The following RAB11FIP3 variants were observed in gnomAD, a reference collection of about 807,000 sequenced individuals.
RAB11FIP3 encodes RAB11 family interacting protein 3, also known as rab11 family-interacting protein 3.
A neutral mutation model predicts 77.8 loss-of-function variants in RAB11FIP3; 17 were observed. The observed-to-expected ratio is 0.22, with a 90% confidence interval of 0.15 to 0.33. The LOEUF is 0.33. Among genes scored for constraint, RAB11FIP3 ranks in the 10% least tolerant of loss-of-function variants. The pLI is 1.00. For missense variants in RAB11FIP3, 1,005 were observed against 1,011.2 expected (o/e 0.99, Z 0.08); for synonymous variants, 437 against 448.2 (o/e 0.98, Z 0.31).
chr16:489,216 C>G (rs1323056490), intron 5 of RAB11FIP3: 1 of 617,618 alleles, frequency 1.6e-6, no homozygotes, highest in Non-Finnish European at 2.7e-6. Flanking sequence ...GATCACTCTA[C>G]ATTTCTGAGG....
At position 505,473 on chromosome 16, in the gene RAB11FIP3, G is replaced by A. The variant is rs28683615; in HGVS notation, c.1396-51G>A. On this transcript the variant is annotated intron_variant, in intron 7 of 13. Transcript: ENST00000262305. This position sits in a 1 kb window ranked among gnomAD's most constrained non-coding sequence, Gnocchi z 4.0. ...CCCAGGTTGTTCCCTTGGGGGTGCA[G>A]GCCCTTCTGCTTCTGGCTGCCTGAC... The A allele has an allele frequency of 4.1e-6, 6 of 1,481,434 alleles. No individual in the cohort carries two copies. The highest frequency in any genetic ancestry group is 5.5e-6 in the Non-Finnish European group (6 of 1,086,006). The allele number at this position is 1,481,434 out of a possible 1,614,324, so 91.8% of individuals were successfully genotyped here.
At chr16:447,820 TGTC>T (rs2055341854) in intron 1 of RAB11FIP3, among the ~76,000 whole-genome samples, 1 of 152,214 alleles carries the variant, frequency 6.6e-6, no homozygotes, top group African/African-American at 2.4e-5. Flanking sequence ...CTCAGACTGT[TGTC>T]TGGTTAATGT....
chr16:488,176 C>G (rs1021328275), intron 4 of RAB11FIP3, among the ~76,000 whole-genome samples: 3 of 152,062 alleles, frequency 2.0e-5, no homozygotes, highest in African/African-American at 4.8e-5. Flanking sequence ...GTCAGGAGAT[C>G]GAGACCATCC....
Position 455,060 on chromosome 16 carries a change from AC to A in RAB11FIP3, c.715-6343del, listed in dbSNP as rs777624739. 4.0e-4 allele frequency among the ~76,000 whole-genome samples: 60 copies of A among 148,186 alleles called. 7 individuals carry two copies. Among genetic ancestry groups the A allele is most frequent in the Non-Finnish European group, 6.1e-4 (41 of 66,810 alleles). On this transcript the variant is annotated intron_variant, in intron 1 of 13. Transcript: ENST00000262305. The stretch of plus-strand genomic sequence containing the variant: ...GCGAAACTCCGTCTCAAAAAAAAAA[AC>A]AAAAAAACTAGGCTTTCTTTCTTTT...
intron 1 of RAB11FIP3, among the ~76,000 whole-genome samples, chr16:434,924 G>A (rs950454431): frequency 6.6e-6 from 1 of 152,088 alleles, no homozygotes; most frequent in African/African-American, 2.4e-5. Flanking sequence ...ACAAGAATTA[G>A]ACCAGGCGCG....
intron 9 of RAB11FIP3, among the ~76,000 whole-genome samples, chr16:518,650 C>T (rs868294340): frequency 4.6e-5 from 7 of 152,250 alleles, no homozygotes; most frequent in East Asian, 1.9e-4. Flanking sequence ...GCTTGAACCC[C>T]GGGAGATGGA....
chr16:519,038 A>G lies in RAB11FIP3; in HGVS notation c.1722+14A>G. The G allele has an allele frequency of 1.2e-6, 2 of 1,612,528 alleles. No individual in the cohort carries two copies. The highest frequency in any genetic ancestry group is 1.7e-6 in the Non-Finnish European group (2 of 1,179,542). On this transcript the variant is annotated intron_variant, in intron 10 of 13. Coordinates refer to ENST00000262305, the MANE Select transcript of RAB11FIP3 (RefSeq NM_014700.4). ...CGTCTGGAGGAGGTGAGCTGCCAACAGCCTGGAGCTGTGGCCAGTGGGGCC... is the reference window on the plus strand; with the variant it reads ...CGTCTGGAGGAGGTGAGCTGCCAACGGCCTGGAGCTGTGGCCAGTGGGGCC...
rs781577572 is a variant in RAB11FIP3, at chr16:496,863, G to C, written c.1301+4G>C. On this transcript the variant is annotated splice_donor_region_variant and intron_variant, in intron 6 of 13. Coordinates refer to ENST00000262305, the MANE Select transcript of RAB11FIP3 (RefSeq NM_014700.4). Reference sequence around the variant, plus strand: ...TCTCCAGCAAGAAGGTGGCAAGGTAGGTGGGTCTCTGGTTCCTGCTGAAAA... The same window carrying C: ...TCTCCAGCAAGAAGGTGGCAAGGTACGTGGGTCTCTGGTTCCTGCTGAAAA... The C allele has an allele frequency of 1.9e-6, 3 of 1,581,442 alleles. No individual in the cohort carries two copies. The highest frequency in any genetic ancestry group is 2.2e-5 in the South Asian group (2 of 90,340).
intron 2 of RAB11FIP3, among the ~76,000 whole-genome samples, chr16:469,751 C>A (rs2055776794): frequency 6.6e-6 from 1 of 152,124 alleles, no homozygotes; most frequent in Non-Finnish European, 1.5e-5. Context: ...TCTTGAACTC[C>A]TGGACTTAAG....
chr16:434,329 G>GT (rs2055091781), intron 1 of RAB11FIP3, among the ~76,000 whole-genome samples: 1 of 152,196 alleles, frequency 6.6e-6, no homozygotes. Flanking sequence ...CGCCATGTTA[G>GT]CCCAGGCTGG....
At chr16:473,661 A>G (rs911423363) in intron 3 of RAB11FIP3, among the ~76,000 whole-genome samples, 1 of 151,940 alleles carries the variant, frequency 6.6e-6, no homozygotes, top group Admixed American at 6.6e-5. Flanking sequence ...GCTGCTCTCA[A>G]ACTCCTGAGT....
At chr16:475,975 C>T (rs2055899635) in intron 3 of RAB11FIP3, among the ~76,000 whole-genome samples, 1 of 152,188 alleles carries the variant, frequency 6.6e-6, no homozygotes, top group Non-Finnish European at 1.5e-5. Context: ...CATGCCTCAG[C>T]CTCCTGAGTA....
intron 1 of RAB11FIP3, among the ~76,000 whole-genome samples, chr16:459,765 C>A (rs2055572124): frequency 6.6e-6 from 1 of 151,358 alleles, no homozygotes; most frequent in African/African-American, 2.4e-5. Flanking sequence ...ATTTGCATTT[C>A]TTTAAGGACT....
At chr16:434,458 A>T (rs1156359224) in intron 1 of RAB11FIP3, among the ~76,000 whole-genome samples, 1 of 145,790 alleles carries the variant, frequency 6.9e-6, no homozygotes. Flanking sequence ...ATAGAGTCTC[A>T]CTCTGTTGCC....
At chr16:476,390 C>T (rs1230781867) in intron 3 of RAB11FIP3, among the ~76,000 whole-genome samples, 1 of 152,216 alleles carries the variant, frequency 6.6e-6, no homozygotes, top group African/African-American at 2.4e-5. Context: ...GGGGCACCAT[C>T]CTCAGCTACA....
chr16:478,096 G>A (rs1407245618), intron 3 of RAB11FIP3, among the ~76,000 whole-genome samples: 2 of 152,176 alleles, frequency 1.3e-5, no homozygotes, highest in Admixed American at 6.5e-5. Context: ...CTGGCAGCTC[G>A]GCCTGGCCCT....
At chr16:487,679 T>A (rs1444023397) in intron 4 of RAB11FIP3, among the ~76,000 whole-genome samples, 7 of 151,898 alleles carry the variant, frequency 4.6e-5, no homozygotes, top group African/African-American at 1.7e-4. Context: ...TCCCGAGGAC[T>A]CCTGCGGGAG....
Position 492,118 on chromosome 16 carries a change from C to T in RAB11FIP3, c.1265+3118C>T, listed in dbSNP as rs553013809. On this transcript the variant is annotated intron_variant, in intron 5 of 13. Transcript: ENST00000262305. ...GCCCCAGGGGGCTTCTGCCGAGGCA[C>T]ATCCTTGCTGGCGGGCGCTCACTGC... Among the ~76,000 whole-genome samples the T allele has an allele frequency of 5.3e-5, 8 of 152,266 alleles. 1 individual carries two copies. In the South Asian group the frequency reaches 1.2e-3, roughly 24 times the overall value.
chr16:426,528 G>T lies in RAB11FIP3; in HGVS notation c.522G>T (p.Leu174=), dbSNP rs1315916222. 1 of 1,562,012 alleles carries T rather than the reference G, an allele frequency of 6.4e-7. No homozygotes were observed. The highest frequency in any genetic ancestry group is 1.9e-5 in the Admixed American group (1 of 51,798). The change falls in exon 1 of 14, where the codon CTG becomes CTT. Residue 174 remains leucine, a synonymous_variant. Coordinates refer to ENST00000262305, the MANE Select transcript of RAB11FIP3 (RefSeq NM_014700.4). The surrounding 1 kb of genome is among the most constrained non-coding windows in gnomAD (Gnocchi z 5.0). ...FPAPTAGELA[L]EQGPGSPPQP... is the part of the protein sequence containing the mutation. ...CGCCCACGGCGGGCGAGCTGGCGCT[G>T]GAGCAAGGTCCCGGGTCCCCGCCGC...
Sources: allele counts gnomAD v4.1 joint callset (sites outside exome capture counted in the v4.1 genomes callset), GRCh38; gene constraint gnomAD v4.1.1; non-coding constraint Gnocchi (gnomAD v3.1); transcripts MANE v1.5; gene names NCBI Gene and HGNC (gene_info 2026-07-23, HGNC 2026-07-21).